NDST3: variants seen among roughly 807,000 people sequenced by gnomAD.
NDST3 encodes the protein N-deacetylase and N-sulfotransferase 3.
A neutral mutation model predicts 96.1 loss-of-function variants in NDST3; 58 were observed. The observed-to-expected ratio is 0.60, with a 90% CI of 0.49 to 0.75. The LOEUF (loss-of-function observed/expected upper bound fraction) is 0.75. Among genes scored for constraint, NDST3 ranks in the 30% least tolerant of loss-of-function variants. The pLI is 0.00. For missense variants in NDST3, 788 were observed against 1,034.2 expected (o/e 0.76, Z 3.27); for synonymous variants, 333 against 359.7 (o/e 0.93, Z 0.84).
chr4:118,251,220 G>A (rs566117286), intron 12 of NDST3, among the ~76,000 whole-genome samples: 34 of 144,566 alleles, frequency 2.4e-4, no homozygotes, highest in South Asian at 2.2e-4. Context: ...TCCGCCTCCC[G>A]GGTTCACGCC....
In NDST3 at chr4:118,229,443, G is replaced by A. The variant is rs909724221; in HGVS notation, c.1819+2461G>A. ...TTAAATGTGTGTCTATGATTATGTAGTTGAGTTACCACTGACAAAATATAT... is the reference window on the plus strand; with the variant it reads ...TTAAATGTGTGTCTATGATTATGTAATTGAGTTACCACTGACAAAATATAT... On this transcript the variant is annotated intron_variant, in intron 8 of 13. Coordinates refer to ENST00000296499, the MANE Select transcript of NDST3 (RefSeq NM_004784.3). Among the ~76,000 whole-genome samples the A allele has an allele frequency of 3.3e-5, 5 of 152,314 alleles. No homozygotes were observed. In the South Asian group the frequency reaches 6.2e-4, roughly 19 times the overall value.
intron 4 of NDST3, among the ~76,000 whole-genome samples, chr4:118,125,820 T>C (rs1365787509): frequency 1.3e-5 from 2 of 152,082 alleles, no homozygotes; most frequent in Non-Finnish European, 2.9e-5. Flanking sequence ...AATATTATCA[T>C]TTATCACAGG....
At chr4:118,172,313 T>C (rs1197025348) in intron 6 of NDST3, among the ~76,000 whole-genome samples, 1 of 152,186 alleles carries the variant, frequency 6.6e-6, no homozygotes, top group African/African-American at 2.4e-5. Flanking sequence ...CCTTTAATGT[T>C]ATGATTCCAC....
In NDST3 at chr4:118,050,715, A is replaced by G. The variant is rs574236669; in HGVS notation, c.-155-3041A>G. 4.6e-5 allele frequency among the ~76,000 whole-genome samples: 7 copies of G among 152,296 alleles called. No homozygotes were observed. The South Asian group carries it at 1.4e-3, about 32-fold the overall frequency. Reference sequence around the variant, plus strand: ...GAGAACTAAAAAACACTGATGAAATAAATCAAAGACAATACAAATAAATGA... The same window carrying G: ...GAGAACTAAAAAACACTGATGAAATGAATCAAAGACAATACAAATAAATGA... On this transcript the variant is annotated intron_variant, in intron 1 of 13. Coordinates refer to ENST00000296499, the MANE Select transcript of NDST3 (RefSeq NM_004784.3).
intron 6 of NDST3, among the ~76,000 whole-genome samples, chr4:118,144,839 G>A (rs1468673578): frequency 5.3e-5 from 8 of 152,026 alleles, no homozygotes; most frequent in Admixed American, 5.2e-4. Context: ...TATAGTCCCT[G>A]CAAATAAAAT....
chr4:118,044,545 G>C (rs1266316482), intron 1 of NDST3, among the ~76,000 whole-genome samples: 1 of 152,184 alleles, frequency 6.6e-6, no homozygotes, highest in Non-Finnish European at 1.5e-5. Context: ...GACTGCACTG[G>C]CGTGCCAGAT....
At chr4:118,158,421 GA>G (rs1170747396) in intron 6 of NDST3, among the ~76,000 whole-genome samples, 5 of 152,112 alleles carry the variant, frequency 3.3e-5, no homozygotes, top group African/African-American at 1.2e-4. Flanking sequence ...ATTTTAGCAT[GA>G]AAAAAATGGA....
intron 2 of NDST3, among the ~76,000 whole-genome samples, chr4:118,061,576 T>G (rs997785470): frequency 3.3e-5 from 5 of 152,168 alleles, no homozygotes. Context: ...ACCATGTATT[T>G]TACTAATTTA....
At chr4:118,092,061 T>TTTATTTGTTTAC (rs1208397855) in intron 2 of NDST3, among the ~76,000 whole-genome samples, 4 of 149,962 alleles carry the variant, frequency 2.7e-5, no homozygotes, top group Admixed American at 6.7e-5. Context: ...TATTTATTTA[T>TTTATTTGTTTAC]TTATTTATTT....
intron 13 of NDST3, among the ~76,000 whole-genome samples, chr4:118,255,330 G>A (rs1417682781): frequency 6.6e-6 from 1 of 152,158 alleles, no homozygotes; most frequent in Non-Finnish European, 1.5e-5. Flanking sequence ...GGTCTTCACA[G>A]AGGTAATGAA....
intron 2 of NDST3, among the ~76,000 whole-genome samples, chr4:118,074,468 T>C (rs1727335245): frequency 6.6e-6 from 1 of 152,238 alleles, no homozygotes; most frequent in Non-Finnish European, 1.5e-5. Context: ...TTAACTCCTG[T>C]TGAATTGAAC....
chr4:118,140,032 T>C (rs1733443715), intron 5 of NDST3, among the ~76,000 whole-genome samples: 2 of 152,142 alleles, frequency 1.3e-5, no homozygotes, highest in Non-Finnish European at 2.9e-5. Flanking sequence ...TTAGTTCCAG[T>C]TGCTTCCATA....
chr4:118,156,713 A>G (rs1179919239), intron 6 of NDST3, among the ~76,000 whole-genome samples: 3 of 152,214 alleles, frequency 2.0e-5, no homozygotes, highest in African/African-American at 7.2e-5. Flanking sequence ...TTCACTCATA[A>G]TAAGAAAAAT....
chr4:118,233,169 T>C, intron 9 of NDST3, 34 bp downstream of exon 9: 1 of 1,584,566 alleles, frequency 6.3e-7, no homozygotes, highest in South Asian at 1.1e-5. Context: ...TCTAAAAGTA[T>C]ATGTACTGTG....
chr4:118,082,159 G>C (rs1728076417), intron 2 of NDST3, among the ~76,000 whole-genome samples: 1 of 152,078 alleles, frequency 6.6e-6, no homozygotes, highest in African/African-American at 2.4e-5. Flanking sequence ...TTTTTCCCGA[G>C]TATTTTTACA....
At chr4:118,230,090 C>A (rs1740167407) in intron 8 of NDST3, among the ~76,000 whole-genome samples, 1 of 152,136 alleles carries the variant, frequency 6.6e-6, no homozygotes, top group African/African-American at 2.4e-5. Flanking sequence ...CTGGTAAGTA[C>A]AAGAATAAAA....
At chr4:118,043,819 A>G (rs568531972) in intron 1 of NDST3, among the ~76,000 whole-genome samples, 10 of 152,354 alleles carry the variant, frequency 6.6e-5, no homozygotes, top group Non-Finnish European at 1.2e-4. Flanking sequence ...TGGCATGGCA[A>G]AGTGAGATGT....
intron 4 of NDST3, among the ~76,000 whole-genome samples, chr4:118,121,415 G>C (rs182180835): frequency 5.9e-5 from 9 of 152,094 alleles, no homozygotes; most frequent in African/African-American, 2.2e-4. Flanking sequence ...TGAACTCCAA[G>C]ATAACACTGT....
At chr4:118,111,567 C>T (rs545350249) in intron 3 of NDST3, among the ~76,000 whole-genome samples, 161 of 148,408 alleles carry the variant, frequency 1.1e-3, no homozygotes, top group Non-Finnish European at 1.9e-3. Context: ...GATGGAGTCT[C>T]GCTCTGTCAC....
Sources: allele counts gnomAD v4.1 joint callset (sites outside exome capture counted in the v4.1 genomes callset), GRCh38; gene constraint gnomAD v4.1.1; transcripts MANE v1.5; gene names NCBI Gene and HGNC (gene_info 2026-07-23, HGNC 2026-07-21).